CTNNA3: variants seen among roughly 807,000 people sequenced by gnomAD.
The protein encoded by CTNNA3 is catenin alpha 3, also known as catenin alpha-3.
Under a neutral mutation model 95.7 loss-of-function variants are expected in CTNNA3, and 76 were observed. The observed-to-expected ratio is 0.79, with a 90% confidence interval of 0.66 to 0.96. The LOEUF (loss-of-function observed/expected upper bound fraction) is 0.96. CTNNA3 is among the 40% of genes least tolerant of loss of function. The pLI is 0.00. For missense variants in CTNNA3, 1,191 were observed against 1,089.8 expected (o/e 1.09, Z -1.31); for synonymous variants, 431 against 374.4 (o/e 1.15, Z -1.74).
At chr10:66,415,120 G>A (rs956235084) in intron 11 of CTNNA3, among the ~76,000 whole-genome samples, 1 of 152,070 alleles carries the variant, frequency 6.6e-6, no homozygotes, top group Non-Finnish European at 1.5e-5. Flanking sequence ...ATTCCACAAT[G>A]ACTTGGGGAT....
At chr10:66,762,767 A>C (rs1004429364) in intron 9 of CTNNA3, among the ~76,000 whole-genome samples, 1 of 152,074 alleles carries the variant, frequency 6.6e-6, no homozygotes, top group African/African-American at 2.4e-5. Context: ...ACTTTTTACT[A>C]TCTTTTTGTA....
chr10:67,694,468 C>T (rs989395787), intron 1 of CTNNA3, among the ~76,000 whole-genome samples: 2 of 152,122 alleles, frequency 1.3e-5, no homozygotes, highest in Non-Finnish European at 2.9e-5. Flanking sequence ...TAATCCAACA[C>T]TTCTACAGTT....
At chr10:65,950,177 C>A (rs915099823) in intron 17 of CTNNA3, among the ~76,000 whole-genome samples, 6 of 152,020 alleles carry the variant, frequency 3.9e-5, no homozygotes, top group African/African-American at 1.4e-4. Context: ...CACACACACA[C>A]AAACAACCTC....
At chr10:66,682,730 A>G (rs937092012) in intron 9 of CTNNA3, among the ~76,000 whole-genome samples, 1 of 151,122 alleles carries the variant, frequency 6.6e-6, no homozygotes, top group Non-Finnish European at 1.5e-5. Flanking sequence ...TTATATGGGT[A>G]TATTTCATGG....
intron 7 of CTNNA3, among the ~76,000 whole-genome samples, chr10:67,163,073 C>G (rs984690680): frequency 1.3e-5 from 2 of 151,868 alleles, no homozygotes; most frequent in African/African-American, 4.8e-5. Context: ...ATATGTAACA[C>G]CTGTTCTACC....
At chr10:67,447,548 C>T (rs1846801804) in intron 5 of CTNNA3, among the ~76,000 whole-genome samples, 1 of 152,184 alleles carries the variant, frequency 6.6e-6, no homozygotes. Flanking sequence ...CACATATCCC[C>T]TCAGTCTAGA....
chr10:67,730,227 T>C (rs554900151), intron 1 of CTNNA3, among the ~76,000 whole-genome samples: 1 of 152,196 alleles, frequency 6.6e-6, no homozygotes, highest in African/African-American at 2.4e-5. Context: ...AGCAGAGAGG[T>C]AAACAGATTA....
intron 5 of CTNNA3, among the ~76,000 whole-genome samples, chr10:67,462,153 T>G (rs550145093): frequency 4.6e-5 from 7 of 152,304 alleles, no homozygotes; most frequent in African/African-American, 1.7e-4. Context: ...CCAGCCATTC[T>G]AGCAGGTGTT....
At chr10:67,247,557 T>C (rs1020737085) in intron 5 of CTNNA3, among the ~76,000 whole-genome samples, 1 of 152,206 alleles carries the variant, frequency 6.6e-6, no homozygotes, top group Admixed American at 6.5e-5. Flanking sequence ...GAAAACAGTA[T>C]TTTTATGATG....
chr10:66,463,393 A>T (rs994538258), intron 11 of CTNNA3, among the ~76,000 whole-genome samples: 10 of 152,160 alleles, frequency 6.6e-5, no homozygotes, highest in Admixed American at 3.3e-4. Context: ...GCCCTCACCA[A>T]ATGCAGATAT....
chr10:66,107,741 G>A (rs1389791985), intron 13 of CTNNA3, among the ~76,000 whole-genome samples: 16 of 151,744 alleles, frequency 1.1e-4, no homozygotes, highest in African/African-American at 2.4e-4. Flanking sequence ...ATTCACTTGC[G>A]CAGACTTTAT....
At chr10:67,376,646 ATG>A (rs1843701112) in intron 5 of CTNNA3, among the ~76,000 whole-genome samples, 1 of 152,176 alleles carries the variant, frequency 6.6e-6, no homozygotes, top group South Asian at 2.1e-4. Flanking sequence ...ATGTTATGCT[ATG>A]GTTAGATATT....
At chr10:66,812,464 A>T (rs943509090) in intron 7 of CTNNA3, among the ~76,000 whole-genome samples, 24 of 152,148 alleles carry the variant, frequency 1.6e-4, no homozygotes, top group African/African-American at 5.5e-4. Flanking sequence ...TACAATGGTT[A>T]AATATTTATG....
At chr10:67,521,985 T>G in intron 4 of CTNNA3, 24 bp from the exon 5 acceptor site, 1 of 1,598,330 alleles carries the variant, frequency 6.3e-7, no homozygotes, top group Non-Finnish European at 8.5e-7. Context: ...CAAAAGTAGA[T>G]CATTAGGATA....
chr10:67,432,228 AAG>A lies in CTNNA3; in HGVS notation c.579+89612_579+89613del, dbSNP rs558138688. The stretch of plus-strand genomic sequence containing the variant: ...TTAAAGCCAAAATAAACCAATAAGA[AAG>A]AAATAATAAAGATAAAATTAGAAAT... On this transcript the variant is annotated intron_variant, in intron 5 of 17. Coordinates refer to ENST00000433211, the MANE Select transcript of CTNNA3 (RefSeq NM_013266.4). Among the ~76,000 whole-genome samples the A allele has an allele frequency of 2.7e-3, 418 of 152,114 alleles. 2 individuals carry two copies. Among genetic ancestry groups the A allele is most frequent in the Non-Finnish European group, 4.9e-3 (331 of 67,946 alleles).
At chr10:67,421,511 A>G (rs1030434414) in intron 5 of CTNNA3, among the ~76,000 whole-genome samples, 3 of 152,188 alleles carry the variant, frequency 2.0e-5, no homozygotes, top group East Asian at 1.9e-4. Flanking sequence ...GACTACCCAC[A>G]AGGGCACCTT....
chr10:66,394,237 G>A (rs146985473), intron 11 of CTNNA3, among the ~76,000 whole-genome samples: 1 of 151,878 alleles, frequency 6.6e-6, no homozygotes, highest in Non-Finnish European at 1.5e-5. Context: ...ATAGCTAGAG[G>A]GAACTTCAAG....
chr10:66,236,270 TC>T (rs2089849672), intron 13 of CTNNA3, among the ~76,000 whole-genome samples: 1 of 152,176 alleles, frequency 6.6e-6, no homozygotes, highest in African/African-American at 2.4e-5. Context: ...GTTTCCTAGA[TC>T]AGTTGTCTTA....
At chr10:66,622,115 T>C (rs1431357391) in intron 9 of CTNNA3, among the ~76,000 whole-genome samples, 2 of 152,188 alleles carry the variant, frequency 1.3e-5, no homozygotes, top group African/African-American at 4.8e-5. Context: ...GATTGAATGC[T>C]AATAGGTTTT....
Sources: allele counts gnomAD v4.1 joint callset (sites outside exome capture counted in the v4.1 genomes callset), GRCh38; gene constraint gnomAD v4.1.1; transcripts MANE v1.5; gene names NCBI Gene and HGNC (gene_info 2026-07-23, HGNC 2026-07-21).